CLCN1: variants seen among roughly 807,000 people sequenced by gnomAD.
The protein encoded by CLCN1 is chloride voltage-gated channel 1.
Under a neutral mutation model 114.5 loss-of-function variants are expected in CLCN1, and 100 were observed. The ratio of observed to expected loss-of-function variants is 0.87; its 90% CI spans 0.74 to 1.03. CLCN1 has a LOEUF of 1.03. CLCN1 is among the 50% of genes least tolerant of loss of function. The pLI is 0.00. For missense variants in CLCN1, 1,188 were observed against 1,250.0 expected, an observed-to-expected ratio of 0.95 and a Z score of 0.75; for synonymous variants, 485 against 487.1, an observed-to-expected ratio of 1.00 and a Z score of 0.06.
chr7:143,348,233 A>G (rs1462039636), intron 20 of CLCN1, among the ~76,000 whole-genome samples: 2 of 152,214 alleles, frequency 1.3e-5, no homozygotes, highest in Admixed American at 6.5e-5. Flanking sequence ...TGAAAAAGTC[A>G]AATCGATGAT....
At chr7:143,344,981 AC>A (rs1241676552) in intron 16 of CLCN1, among the ~76,000 whole-genome samples, 1 of 152,020 alleles carries the variant, frequency 6.6e-6, no homozygotes, top group Non-Finnish European at 1.5e-5. Flanking sequence ...CGAACTCCTG[AC>A]CTCAGGCGAC....
rs144161105 is a variant in CLCN1, at chr7:143,323,684, T to C, written c.774+298T>C. 5.4e-4 allele frequency: 311 copies of C among 580,316 alleles called. 3 individuals are homozygous for C. The highest frequency in any genetic ancestry group is 4.8e-3 in the African/African-American group (259 of 54,018). 35.9% of individuals were successfully genotyped at this position (580,316 alleles called of 1,614,324 possible). On this transcript the variant is annotated intron_variant, in intron 6 of 22. Coordinates refer to ENST00000343257, the MANE Select transcript of CLCN1 (RefSeq NM_000083.3). The stretch of plus-strand genomic sequence containing the variant: ...CTGCTAGTCCATACCACCCCCTCTG[T>C]GTTAGTTTCCCTCCACGTTTCCCTC...
At position 143,339,601 on chromosome 7, in the gene CLCN1, C is replaced by G; in HGVS notation, c.1562C>G (p.Pro521Arg). The G allele has an allele frequency of 6.2e-7, 1 of 1,609,674 alleles. No individual in the cohort carries two copies. Among genetic ancestry groups the G allele is most frequent in the Non-Finnish European group, 8.5e-7 (1 of 1,175,950 alleles). ...GATGACATCATCTACAAGATCCTAC[C>G]TGGGGGCTATGCAGTAATTGGTGAG... ...LFDDIIYKIL[P>R]GGYAVIGAAA... Residue 521 changes from proline to arginine, a missense_variant, in exon 14 of 23, where the codon CCT (proline) becomes CGT (arginine). Physicochemically the swap from Pro to Arg is moderately radical, Grantham distance 103. Coordinates refer to ENST00000343257, the MANE Select transcript of CLCN1 (RefSeq NM_000083.3). The surrounding 1 kb of genome is among the most constrained non-coding windows in gnomAD (Gnocchi z 4.1).
rs34904831 is a variant in CLCN1 at position 143,316,192 on chromosome 7, C to T, written c.-21C>T. The T allele has an allele frequency of 0.061, 97,244 of 1,596,896 alleles. 3,545 individuals are homozygous for T. The highest frequency in any genetic ancestry group is 0.072 in the Non-Finnish European group (84,364 of 1,170,680). On this transcript the variant is annotated 5_prime_UTR_variant, in exon 1 of 23. Coordinates refer to ENST00000343257, the MANE Select transcript of CLCN1 (RefSeq NM_000083.3). ...AGGGGCAAGCAGGCCAAGGCCTGGCCGGGGCTCGGGGGGAGGGAATATGGA... is the reference window on the plus strand; with the variant it reads ...AGGGGCAAGCAGGCCAAGGCCTGGCTGGGGCTCGGGGGGAGGGAATATGGA...
At chr7:143,344,591 A>G (rs1803174669) in intron 16 of CLCN1, among the ~76,000 whole-genome samples, 1 of 152,212 alleles carries the variant, frequency 6.6e-6, no homozygotes, top group Non-Finnish European at 1.5e-5. Context: ...AGGTTTTCAT[A>G]ATAATGACTG....
Position 143,350,274 on chromosome 7 carries a change from C to G in CLCN1, c.2404-98C>G. 1 of 850,068 alleles carries G rather than the reference C, an allele frequency of 1.2e-6. No homozygotes were observed. The highest frequency in any genetic ancestry group is 2.0e-6 in the Non-Finnish European group (1 of 506,142). 52.7% of individuals were successfully genotyped at this position (850,068 alleles called of 1,614,324 possible). On this transcript the variant is annotated intron_variant, in intron 20 of 22. Coordinates refer to ENST00000343257, the MANE Select transcript of CLCN1 (RefSeq NM_000083.3). The surrounding 1 kb of genome is among the most constrained non-coding windows in gnomAD (Gnocchi z 5.1). ...ATCAGTTCTTGCATGTTCCCAGATTCTGGGCAGCGGCTAGGAGGGCCGTTT... is the reference window on the plus strand; with the variant it reads ...ATCAGTTCTTGCATGTTCCCAGATTGTGGGCAGCGGCTAGGAGGGCCGTTT...
At chr7:143,341,065 A>T (rs549013106) in intron 14 of CLCN1, among the ~76,000 whole-genome samples, 51 of 152,286 alleles carry the variant, frequency 3.3e-4, no homozygotes, top group African/African-American at 1.2e-3. Context: ...TCGCTTTATA[A>T]TTGAGAGCAT....
At chr7:143,349,398 T>TGATATTCTCTG (rs1803337964) in intron 20 of CLCN1, among the ~76,000 whole-genome samples, 2 of 152,174 alleles carry the variant, frequency 1.3e-5, no homozygotes, top group African/African-American at 4.8e-5. Context: ...TGCCCTTTGG[T>TGATATTCTCTG]GATATTCTCT....
At position 143,323,355 on chromosome 7, in the gene CLCN1, A is replaced by C. The variant is rs1802493868; in HGVS notation, c.743A>C (p.Lys248Thr). The change falls in exon 6 of 23, where the codon AAA becomes ACA. Residue 248 changes from lysine to threonine, a missense_variant. By Grantham distance (78) the Lys-to-Thr change is moderately conservative (BLOSUM62 -1). Coordinates refer to ENST00000343257, the MANE Select transcript of CLCN1 (RefSeq NM_000083.3). Reference sequence around the variant, plus strand: ...AGCATCTGTGCTGCTGTCCTCAGCAAATTCATGTCTGTGTTCTGCGGGGTA... The same window carrying C: ...AGCATCTGTGCTGCTGTCCTCAGCACATTCATGTCTGTGTTCTGCGGGGTA... The part of the protein sequence containing the change: ...IASICAAVLS[K>T]FMSVFCGVYE... 6.2e-7 allele frequency: 1 copy of C among 1,613,696 alleles called. No individual in the cohort carries two copies. The highest frequency in any genetic ancestry group is 8.5e-7 in the Non-Finnish European group (1 of 1,179,812).
intron 20 of CLCN1, among the ~76,000 whole-genome samples, chr7:143,349,985 G>A (rs1260150717): frequency 6.6e-6 from 1 of 152,234 alleles, no homozygotes; most frequent in Non-Finnish European, 1.5e-5. Context: ...AGACAAAGGG[G>A]AAGGCATGTT....
At position 143,319,739 on chromosome 7, in the gene CLCN1, TTC is replaced by T; in HGVS notation, c.181-8_181-7del. ...TCTTCCACAAGGCAGACACTGATCA[TTC>T]TCTCTCTGTCCAGATTTATGGCCAT... On this transcript the variant is annotated splice_polypyrimidine_tract_variant and intron_variant, in intron 1 of 22. Transcript: ENST00000343257. 6.2e-7 allele frequency: 1 copy of T among 1,613,260 alleles called. No individual in the cohort carries two copies. The highest frequency in any genetic ancestry group is 8.5e-7 in the Non-Finnish European group (1 of 1,179,260).
Position 143,332,438 on chromosome 7 carries a change from A to G in CLCN1, c.1186A>G (p.Ile396Val). ...LAKHRLLYPG[I>V]VTFVIASFTF... is the part of the protein sequence containing the mutation. ...TTTCAGCCGCCTGCTGTATCCTGGA[A>G]TTGTTACCTTTGTCATTGCCTCATT... Residue 396 changes from isoleucine (I) to valine (V), a missense_variant, in exon 11 of 23, where the codon ATT (isoleucine) becomes GTT (valine). By Grantham distance (29) the Ile-to-Val change is conservative. Coordinates refer to ENST00000343257, the MANE Select transcript of CLCN1 (RefSeq NM_000083.3). 6.2e-7 allele frequency: 1 copy of G among 1,614,084 alleles called. No individual in the cohort carries two copies. The highest frequency in any genetic ancestry group is 8.5e-7 in the Non-Finnish European group (1 of 1,179,978).
intron 8 of CLCN1, 129 bp downstream of exon 8, chr7:143,331,026 G>C (rs1802708991): frequency 7.3e-7 from 1 of 1,367,706 alleles, no homozygotes. Context: ...TGGGACCAAG[G>C]CCCAAGGGTG....
At chr7:143,351,047 C>T (rs1803384396) in intron 22 of CLCN1, among the ~76,000 whole-genome samples, 1 of 152,082 alleles carries the variant, frequency 6.6e-6, no homozygotes. Context: ...CAAAATGCTG[C>T]GATTCTAGGC....
chr7:143,318,840 C>G (rs753875443), intron 1 of CLCN1, among the ~76,000 whole-genome samples: 2 of 152,214 alleles, frequency 1.3e-5, no homozygotes, highest in Non-Finnish European at 2.9e-5. Context: ...AGAAGACAAA[C>G]AGCCATGAGC....
intron 16 of CLCN1, among the ~76,000 whole-genome samples, chr7:143,343,784 CTCTT>C (rs1040569903): frequency 5.3e-5 from 8 of 150,502 alleles, no homozygotes; most frequent in African/African-American, 9.8e-5. Context: ...CCCTCTCTCT[CTCTT>C]TCTCTCTCCC....
chr7:143,324,619 C>A lies in CLCN1; in HGVS notation c.853+127C>A. ...CGAGAATAGCTGACTTTTAGTAAGC[C>A]TTTGCTATGTGCCAGGCAATGTTTA... is the stretch of plus-strand genomic sequence containing the variant. On this transcript the variant is annotated intron_variant, in intron 7 of 22. Coordinates refer to ENST00000343257, the MANE Select transcript of CLCN1 (RefSeq NM_000083.3). The surrounding 1 kb of genome is among the most constrained non-coding windows in gnomAD (Gnocchi z 4.6). 1.3e-6 allele frequency: 1 copy of A among 754,854 alleles called. No homozygotes were observed. Among genetic ancestry groups the A allele is most frequent in the Non-Finnish European group, 2.4e-6 (1 of 418,050 alleles). The allele number at this position is 754,854 out of a possible 1,614,324, so 46.8% of individuals were successfully genotyped here. A position where few individuals can be genotyped will look rare whatever the true frequency, so the allele number is the denominator to read the frequency against.
At chr7:143,316,428 G>A in intron 1 of CLCN1, 36 bp downstream of exon 1, 1 of 1,585,470 alleles carries the variant, frequency 6.3e-7, no homozygotes, top group Non-Finnish European at 8.6e-7. Flanking sequence ...AGCCATGGAT[G>A]AGGGGAGACA....
Position 143,321,263 on chromosome 7 carries a change from C to G in CLCN1, c.434-102C>G. The G allele has an allele frequency of 7.1e-7, 1 of 1,411,952 alleles. No homozygotes were observed. Among genetic ancestry groups the G allele is most frequent in the Non-Finnish European group, 9.8e-7 (1 of 1,019,130 alleles). 87.5% of individuals were successfully genotyped at this position (1,411,952 alleles called of 1,614,324 possible). A position where few individuals can be genotyped will look rare whatever the true frequency, so the allele number is the denominator to read the frequency against. On this transcript the variant is annotated intron_variant, in intron 3 of 22. Coordinates refer to ENST00000343257, the MANE Select transcript of CLCN1 (RefSeq NM_000083.3). The surrounding 1 kb of genome is among the most constrained non-coding windows in gnomAD (Gnocchi z 4.2). ...GCAGCACCATCTCAGAAGGGGCACA[C>G]AGAAGGAGCACGGCCTGAGAACATG...
Sources: allele counts gnomAD v4.1 joint callset (sites outside exome capture counted in the v4.1 genomes callset), GRCh38; gene constraint gnomAD v4.1.1; non-coding constraint Gnocchi (gnomAD v3.1); transcripts MANE v1.5; gene names NCBI Gene and HGNC (gene_info 2026-07-23, HGNC 2026-07-21).